Variants in FBXW8 observed in about 807,000 individuals in gnomAD.
The protein encoded by FBXW8 is F-box/WD repeat-containing protein 8.
A neutral mutation model predicts 65.3 loss-of-function variants in FBXW8; 57 were observed. The observed-to-expected ratio is 0.87, with a 90% confidence interval of 0.71 to 1.09. The LOEUF is 1.09. Among genes scored for constraint, FBXW8 ranks in the 50% least tolerant of loss-of-function variants. The pLI is 0.00. For missense variants in FBXW8, 777 were observed against 814.8 expected, an observed-to-expected ratio of 0.95 and a Z score of 0.57; for synonymous variants, 308 against 330.2, an observed-to-expected ratio of 0.93 and a Z score of 0.73.
intron 7 of FBXW8, among the ~76,000 whole-genome samples, chr12:117,007,198 T>C (rs552836307): frequency 3.3e-5 from 5 of 152,154 alleles, no homozygotes; most frequent in Non-Finnish European, 5.9e-5. Flanking sequence ...ATCAGAATCA[T>C]TGACAAAATT....
chr12:116,951,024 C>T (rs1436258621), intron 4 of FBXW8: 3 of 152,194 alleles, frequency 2.0e-5, no homozygotes, highest in African/African-American at 7.2e-5. Context: ...ACTCTCAAAG[C>T]CAATTATGAA....
chr12:116,965,251 A>G (rs1884243634), intron 5 of FBXW8, among the ~76,000 whole-genome samples: 1 of 152,244 alleles, frequency 6.6e-6, no homozygotes, highest in African/African-American at 2.4e-5. Flanking sequence ...TAGGTCATCT[A>G]TTGATAAATG....
intron 1 of FBXW8, among the ~76,000 whole-genome samples, chr12:116,912,751 C>T (rs1213332170): frequency 2.0e-5 from 3 of 152,210 alleles, no homozygotes; most frequent in Non-Finnish European, 4.4e-5. Context: ...GCGTGAGCCA[C>T]CGCGCCCGGC....
intron 4 of FBXW8, among the ~76,000 whole-genome samples, chr12:116,956,969 A>C (rs771661255): frequency 7.9e-5 from 12 of 152,052 alleles, no homozygotes; most frequent in Non-Finnish European, 1.2e-4. Flanking sequence ...CTCCATCTCC[A>C]AAAAATAAAC....
chr12:116,964,497 A>C (rs1465452504), intron 4 of FBXW8, among the ~76,000 whole-genome samples, 200 bp from the exon 5 acceptor site: 2 of 152,170 alleles, frequency 1.3e-5, no homozygotes, highest in African/African-American at 4.8e-5. Context: ...GTGCTGTGAG[A>C]ATGTGAAGCG....
chr12:117,013,732 T>C (rs1163537017), intron 8 of FBXW8, among the ~76,000 whole-genome samples: 1 of 151,840 alleles, frequency 6.6e-6, no homozygotes, highest in African/African-American at 2.4e-5. Context: ...CAGTGGTGTT[T>C]TCTTTTTATT....
intron 3 of FBXW8, among the ~76,000 whole-genome samples, chr12:116,946,727 CGTCTG>C (rs2137349064): frequency 6.6e-6 from 1 of 152,108 alleles, no homozygotes; most frequent in South Asian, 2.1e-4. Flanking sequence ...GTAATAAACT[CGTCTG>C]GAGGGAGCCC....
At chr12:116,946,496 CT>C (rs1427412501) in intron 3 of FBXW8, among the ~76,000 whole-genome samples, 1 of 152,076 alleles carries the variant, frequency 6.6e-6, no homozygotes, top group Non-Finnish European at 1.5e-5. Flanking sequence ...TATCTCTGGC[CT>C]CTCCCCATTA....
At position 116,983,005 on chromosome 12, in the gene FBXW8, G is replaced by A. The variant is rs1246289367; in HGVS notation, c.836-2201G>A. Among the ~76,000 whole-genome samples, 19 of 152,104 alleles carry A rather than the reference G, an allele frequency of 1.2e-4. No individual in the cohort carries two copies. The East Asian group carries it at 1.7e-3, about 14-fold the overall frequency. On this transcript the variant is annotated intron_variant, in intron 5 of 10. Coordinates refer to ENST00000652555, the MANE Select transcript of FBXW8 (RefSeq NM_153348.3). ...TGGCTTTGGACCAAGTTGTTTAACC[G>A]CTCGGTGCTTCTGTTTCTTTTCTGT...
In FBXW8 at chr12:116,923,229, C is replaced by T. The variant is rs543180346; in HGVS notation, c.319-4794C>T. Among the ~76,000 whole-genome samples the T allele has an allele frequency of 4.6e-5, 7 of 152,046 alleles. No individual in the cohort carries two copies. In the East Asian group the frequency reaches 1.2e-3, roughly 25 times the overall value. Reference sequence around the variant, plus strand: ...TCAAAAGAAAAGGAGGTGCTTGAGCCCTAACCCTGGAAATTCAGGGCAGTA... The same window carrying T: ...TCAAAAGAAAAGGAGGTGCTTGAGCTCTAACCCTGGAAATTCAGGGCAGTA... On this transcript the variant is annotated intron_variant, in intron 1 of 10. Transcript: ENST00000652555.
intron 4 of FBXW8, among the ~76,000 whole-genome samples, chr12:116,953,697 C>G (rs1325441924): frequency 6.6e-6 from 1 of 150,948 alleles, no homozygotes; most frequent in Non-Finnish European, 1.5e-5. Flanking sequence ...GGCGTGAACC[C>G]AGGAGGTGGA....
In FBXW8 at chr12:116,943,262, GT is replaced by G. The variant is rs1427174443; in HGVS notation, c.424-2099del. The stretch of plus-strand genomic sequence containing the variant: ...CCCTGTGTATGGGCCCTGCTTCCTT[GT>G]TTCTTTGCATGCTTTTGTAATTTTG... On this transcript the variant is annotated intron_variant, in intron 2 of 10. Transcript: ENST00000652555. Among the ~76,000 whole-genome samples, 3 of 151,906 alleles carry G rather than the reference GT, an allele frequency of 2.0e-5. No homozygotes were observed. The East Asian group carries it at 5.8e-4, about 29-fold the overall frequency.
chr12:116,933,381 C>G (rs1278085233), intron 2 of FBXW8, among the ~76,000 whole-genome samples: 2 of 152,228 alleles, frequency 1.3e-5, no homozygotes, highest in Admixed American at 1.3e-4. Flanking sequence ...GCTTTCACAT[C>G]TGCTGCTGGT....
chr12:116,945,889 A>G (rs1254503449), intron 3 of FBXW8, among the ~76,000 whole-genome samples: 2 of 152,220 alleles, frequency 1.3e-5, no homozygotes, highest in South Asian at 2.1e-4. Flanking sequence ...ACCTGCATAC[A>G]AAAGAGGAGC....
chr12:116,956,385 C>T (rs574426819), intron 4 of FBXW8, among the ~76,000 whole-genome samples: 2 of 152,194 alleles, frequency 1.3e-5, no homozygotes, highest in Non-Finnish European at 2.9e-5. Flanking sequence ...CAAGTAGATA[C>T]AAAACAAAAC....
chr12:116,965,386 A>G (rs1884253257), intron 5 of FBXW8, among the ~76,000 whole-genome samples: 1 of 152,222 alleles, frequency 6.6e-6, no homozygotes, highest in Non-Finnish European at 1.5e-5. Context: ...ATGAACAACT[A>G]TGGATTTTTG....
intron 9 of FBXW8, among the ~76,000 whole-genome samples, chr12:117,024,598 A>G (rs2135726933): frequency 6.6e-6 from 1 of 152,366 alleles, no homozygotes; most frequent in Middle Eastern, 3.4e-3. Flanking sequence ...GCTTTCTCTA[A>G]GAATGAAACT....
At chr12:116,935,123 A>T (rs557550544) in intron 2 of FBXW8, among the ~76,000 whole-genome samples, 42 of 152,358 alleles carry the variant, frequency 2.8e-4, no homozygotes, top group Admixed American at 2.4e-3. Flanking sequence ...ATCAAGTAAA[A>T]GATAGAAAAA....
chr12:116,911,229 G>T lies in FBXW8; in HGVS notation c.192G>T (p.Gly64=), dbSNP rs981733670. ...CCCAGCGTCTCCTGGAGGGCGCGGG[G>T]AGGCCCCCGGCGGCGCGGGCGACTC... ...ALAQRLLEGA[G]RPPAARATRA... Residue 64 remains glycine, a synonymous_variant, in exon 1 of 11, where the codon GGG becomes GGT. Transcript: ENST00000652555. 8.1e-6 allele frequency: 10 copies of T among 1,241,924 alleles called. No homozygotes were observed. In the African/African-American group the frequency reaches 1.4e-4, roughly 17 times the overall value. 76.9% of individuals were successfully genotyped at this position (1,241,924 alleles called of 1,614,324 possible). A position where few individuals can be genotyped will look rare whatever the true frequency, so the allele number is the denominator to read the frequency against.
Sources: allele counts gnomAD v4.1 joint callset (sites outside exome capture counted in the v4.1 genomes callset), GRCh38; gene constraint gnomAD v4.1.1; transcripts MANE v1.5; gene names NCBI Gene and HGNC (gene_info 2026-07-23, HGNC 2026-07-21).